Variants in CSGALNACT1 observed in about 807,000 individuals in gnomAD.
CSGALNACT1 encodes chondroitin sulfate N-acetylgalactosaminyltransferase 1, also known as beta4GalNAcT-1.
CSGALNACT1 carries 52 observed loss-of-function variants against 51.0 expected under a neutral mutation model. The observed-to-expected ratio is 1.02, with a 90% CI of 0.82 to 1.29. The LOEUF (loss-of-function observed/expected upper bound fraction) is 1.29, where lower values mean the gene tolerates loss of function less well. Ranked by LOEUF, CSGALNACT1 falls within the 50% of genes most tolerant of loss-of-function variation. CSGALNACT1 has a pLI of 0.00. For missense variants in CSGALNACT1, 935 were observed against 679.2 expected, an observed-to-expected ratio of 1.38 and a Z score of -4.19; for synonymous variants, 341 against 254.4, an observed-to-expected ratio of 1.34 and a Z score of -3.24.
chr8:19,549,987 A>T (rs987617936), intron 3 of CSGALNACT1, among the ~76,000 whole-genome samples: 1 of 151,936 alleles, frequency 6.6e-6, no homozygotes, highest in Middle Eastern at 3.2e-3. Context: ...TTTAATTCAG[A>T]CTTCAATAGA....
intron 6 of CSGALNACT1, among the ~76,000 whole-genome samples, chr8:19,427,787 C>CAAAA (rs918559547): frequency 7.0e-6 from 1 of 142,192 alleles, no homozygotes; most frequent in African/African-American, 2.6e-5. Flanking sequence ...GACTCCACTT[C>CAAAA]AAAAAAAAAA....
intron 3 of CSGALNACT1, among the ~76,000 whole-genome samples, chr8:19,545,629 A>G (rs1185037942): frequency 1.3e-5 from 2 of 152,028 alleles, no homozygotes; most frequent in African/African-American, 4.8e-5. Flanking sequence ...ATGAATGAGT[A>G]TGCTAAAAAG....
intron 1 of CSGALNACT1, among the ~76,000 whole-genome samples, chr8:19,679,208 T>C (rs2060414276): frequency 1.3e-5 from 2 of 152,164 alleles, no homozygotes; most frequent in African/African-American, 2.4e-5. Context: ...ATCCCAGCAC[T>C]TTGGGAGGCC....
intron 6 of CSGALNACT1, among the ~76,000 whole-genome samples, chr8:19,435,764 C>A (rs1488731688): frequency 6.6e-6 from 1 of 152,164 alleles, no homozygotes; most frequent in Non-Finnish European, 1.5e-5. Context: ...TTGGAAAAAT[C>A]TACAGAATAA....
chr8:19,465,558 G>A (rs1470929537), intron 4 of CSGALNACT1, among the ~76,000 whole-genome samples: 1 of 152,220 alleles, frequency 6.6e-6, no homozygotes, highest in Non-Finnish European at 1.5e-5. Flanking sequence ...GTTTCTCACA[G>A]ACACAGCCCA....
At chr8:19,579,465 T>G (rs2045080127) in intron 3 of CSGALNACT1, among the ~76,000 whole-genome samples, 1 of 152,244 alleles carries the variant, frequency 6.6e-6, no homozygotes, top group Non-Finnish European at 1.5e-5. Flanking sequence ...GTAAATTAAG[T>G]CACTCTTCTA....
At chr8:19,665,603 A>G (rs2059119104) in intron 1 of CSGALNACT1, among the ~76,000 whole-genome samples, 1 of 152,142 alleles carries the variant, frequency 6.6e-6, no homozygotes, top group African/African-American at 2.4e-5. Context: ...GGACTTTCCC[A>G]TGTCATCACT....
chr8:19,537,143 A>C (rs1219780250), intron 3 of CSGALNACT1, among the ~76,000 whole-genome samples: 36 of 152,188 alleles, frequency 2.4e-4, no homozygotes. Context: ...TTTCCTCATG[A>C]GTAAGCAGAA....
upstream of CSGALNACT1, among the ~76,000 whole-genome samples, chr8:19,687,096 C>A (rs564706437): frequency 3.3e-5 from 5 of 152,160 alleles, no homozygotes; most frequent in African/African-American, 9.6e-5. Context: ...GGTCTTGGGG[C>A]TTGTTTGCAT....
intron 3 of CSGALNACT1, among the ~76,000 whole-genome samples, chr8:19,566,747 T>C (rs2041982119): frequency 1.3e-5 from 2 of 152,200 alleles, no homozygotes; most frequent in African/African-American, 4.8e-5. Flanking sequence ...AAATACAAGA[T>C]TAAAATTCTC....
chr8:19,426,692 G>A (rs1428194290), intron 6 of CSGALNACT1, among the ~76,000 whole-genome samples: 4 of 152,014 alleles, frequency 2.6e-5, no homozygotes, highest in East Asian at 1.9e-4. Flanking sequence ...TCTGGTGCAC[G>A]GAGACTCCTC....
At chr8:19,514,164 A>G (rs1016453228) in intron 3 of CSGALNACT1, among the ~76,000 whole-genome samples, 6 of 152,120 alleles carry the variant, frequency 3.9e-5, no homozygotes, top group African/African-American at 1.4e-4. Flanking sequence ...GAGGTGCTTG[A>G]GCCAAATCCC....
At chr8:19,638,233 C>T (rs777394608) in intron 1 of CSGALNACT1, among the ~76,000 whole-genome samples, 7 of 149,296 alleles carry the variant, frequency 4.7e-5, no homozygotes, top group Admixed American at 1.3e-4. Flanking sequence ...CTCAAATGTC[C>T]GCTCCTGAGA....
chr8:19,749,335 C>T (rs76755780), intron 1 of CSGALNACT1, among the ~76,000 whole-genome samples: 1 of 149,580 alleles, frequency 6.7e-6, no homozygotes, highest in African/African-American at 2.5e-5. Context: ...CAATTCGATA[C>T]TGTTTTTAAA....
At chr8:19,515,098 T>G (rs2079261285) in intron 3 of CSGALNACT1, among the ~76,000 whole-genome samples, 1 of 152,052 alleles carries the variant, frequency 6.6e-6, no homozygotes, top group South Asian at 2.1e-4. Context: ...CCCCCATTCC[T>G]TCGGGAACCC....
intron 3 of CSGALNACT1, among the ~76,000 whole-genome samples, chr8:19,587,311 G>A (rs776378407): frequency 4.6e-5 from 7 of 152,184 alleles, no homozygotes; most frequent in Admixed American, 1.3e-4. Context: ...CTTAGTCTAC[G>A]ACTGGTAGTG....
intron 3 of CSGALNACT1, among the ~76,000 whole-genome samples, chr8:19,581,710 T>A (rs10104968): frequency 6.6e-6 from 1 of 152,180 alleles, no homozygotes; most frequent in Non-Finnish European, 1.5e-5. Context: ...GTAAAATACA[T>A]CAGCTACAGA....
At chr8:19,624,824 A>G (rs1176547586) in intron 1 of CSGALNACT1, among the ~76,000 whole-genome samples, 1 of 152,092 alleles carries the variant, frequency 6.6e-6, no homozygotes, top group African/African-American at 2.4e-5. Flanking sequence ...CATTATAGGC[A>G]TACACCACCA....
chr8:19,693,751 C>A (rs1175247283), intron 1 of CSGALNACT1, among the ~76,000 whole-genome samples: 11 of 152,148 alleles, frequency 7.2e-5, no homozygotes, highest in East Asian at 5.8e-4. Flanking sequence ...ACTCAATATT[C>A]ACCTAACTCC....
Sources: allele counts gnomAD v4.1 joint callset (sites outside exome capture counted in the v4.1 genomes callset), GRCh38; gene constraint gnomAD v4.1.1; transcripts MANE v1.5; gene names NCBI Gene and HGNC (gene_info 2026-07-23, HGNC 2026-07-21).